The following MAPDA variants were observed in gnomAD, a reference collection of about 807,000 sequenced individuals.
The protein encoded by MAPDA is N6,N6-dimethyl-AMP deaminase.
the MAPDA span, chr15:43,352,223 A>G: frequency 3.3e-6 from 1 of 301,782 alleles, no homozygotes; most frequent in Non-Finnish European, 6.0e-6. Context: ...CCTATTAGTG[A>G]TCATAAAATT....
At chr15:43,350,018 T>A in the MAPDA span, among the ~76,000 whole-genome samples, 1 of 152,106 alleles carries the variant, frequency 6.6e-6, no homozygotes, top group Non-Finnish European at 1.5e-5. Context: ...TTACTCTGGC[T>A]GGGGAGCCTG....
chr15:43,342,316 A>G, the MAPDA span, among the ~76,000 whole-genome samples: 3 of 152,220 alleles, frequency 2.0e-5, no homozygotes, highest in Non-Finnish European at 4.4e-5. Flanking sequence ...CTCAGAGAGC[A>G]GAGCACTCAG....
At chr15:43,330,533 C>T in the MAPDA span, 3 of 1,506,376 alleles carry the variant, frequency 2.0e-6, no homozygotes, top group Non-Finnish European at 2.7e-6. Context: ...CGGTTGTGAG[C>T]CGCCCCTTGG....
chr15:43,347,722 C>T, the MAPDA span, among the ~76,000 whole-genome samples: 1 of 152,090 alleles, frequency 6.6e-6, no homozygotes, highest in Admixed American at 6.5e-5. Flanking sequence ...TTCTTAAATG[C>T]AGAAAATAAT....
At chr15:43,333,142 C>G in the MAPDA span, among the ~76,000 whole-genome samples, 3 of 152,100 alleles carry the variant, frequency 2.0e-5, no homozygotes, top group Admixed American at 2.0e-4. Context: ...GAAAATCTGG[C>G]CGGGCGCAGT....
At chr15:43,335,855 C>T in the MAPDA span, 4 of 1,590,312 alleles carry the variant, frequency 2.5e-6, no homozygotes, top group Non-Finnish European at 3.4e-6. Flanking sequence ...TGGACATACT[C>T]CTTTTTTTCT....
the MAPDA span, among the ~76,000 whole-genome samples, chr15:43,342,442 C>T: frequency 5.2e-4 from 76 of 145,296 alleles, no homozygotes; most frequent in African/African-American, 1.4e-3. Flanking sequence ...GAAAATATCC[C>T]TTTTAAAAAA....
At chr15:43,344,995 T>C in the MAPDA span, among the ~76,000 whole-genome samples, 2 of 151,980 alleles carry the variant, frequency 1.3e-5, no homozygotes, top group Non-Finnish European at 2.9e-5. Flanking sequence ...CCACCACCAG[T>C]TTACTCTTGC....
chr15:43,332,336 A>G, the MAPDA span: 2 of 152,060 alleles, frequency 1.3e-5, no homozygotes, highest in Non-Finnish European at 2.9e-5. Context: ...CTAAAATGAG[A>G]TTAAGTACTG....
At chr15:43,349,080 C>T in the MAPDA span, 1 of 1,613,818 alleles carries the variant, frequency 6.2e-7, no homozygotes. Context: ...CCAGATGACT[C>T]TCTGTCTCTC....
chr15:43,336,287 CA>C, the MAPDA span, among the ~76,000 whole-genome samples: 6 of 152,094 alleles, frequency 3.9e-5, no homozygotes, highest in Admixed American at 1.3e-4. Context: ...TCAAGCTATC[CA>C]CTCGCCTTGG....
chr15:43,337,156 G>T, the MAPDA span, among the ~76,000 whole-genome samples: 171 of 151,270 alleles, frequency 1.1e-3, no homozygotes, highest in African/African-American at 4.1e-3. Flanking sequence ...GGTGCCTGTA[G>T]TCCCAGCTAC....
chr15:43,352,279 A>G, the MAPDA span: 2 of 203,362 alleles, frequency 9.8e-6, no homozygotes, highest in African/African-American at 4.6e-5. Context: ...TGGAATTACT[A>G]GTATAAAGTT....
At chr15:43,335,672 A>C in the MAPDA span, 1 of 1,578,730 alleles carries the variant, frequency 6.3e-7, no homozygotes, top group Non-Finnish European at 8.6e-7. Flanking sequence ...ATATTTGATA[A>C]GTTTTACTGG....
At chr15:43,341,527 G>A in the MAPDA span, among the ~76,000 whole-genome samples, 1 of 152,192 alleles carries the variant, frequency 6.6e-6, no homozygotes, top group Non-Finnish European at 1.5e-5. Flanking sequence ...ATACCTAGTA[G>A]TATCTTCTCT....
chr15:43,351,267 A>G, the MAPDA span: 7 of 463,882 alleles, frequency 1.5e-5, no homozygotes, highest in South Asian at 2.5e-5. Context: ...AGGAGGTTGC[A>G]GTGAGCAGAG....
the MAPDA span, among the ~76,000 whole-genome samples, chr15:43,349,975 A>G: frequency 6.6e-6 from 1 of 152,172 alleles, no homozygotes; most frequent in Non-Finnish European, 1.5e-5. Flanking sequence ...TACTCAAGTG[A>G]GCAGATACCA....
the MAPDA span, among the ~76,000 whole-genome samples, chr15:43,334,633 T>TTATTTATATATATATATATA: frequency 1.1e-4 from 7 of 65,142 alleles, no homozygotes; most frequent in Non-Finnish European, 2.3e-4. Context: ...CTCAAAAAAA[T>TTATTTATATATATATATATA]TATATATATA....
At chr15:43,337,141 T>C in the MAPDA span, among the ~76,000 whole-genome samples, 1 of 150,072 alleles carries the variant, frequency 6.7e-6, no homozygotes, top group Non-Finnish European at 1.5e-5. Context: ...CCGGGCATGG[T>C]GGCGGGTGCC....
Sources: allele counts gnomAD v4.1 joint callset (sites outside exome capture counted in the v4.1 genomes callset), GRCh38; gene constraint gnomAD v4.1.1; transcripts MANE v1.5; gene names NCBI Gene and HGNC (gene_info 2026-07-23, HGNC 2026-07-21).